The following MRE11 variants were observed in gnomAD, a reference collection of about 807,000 sequenced individuals.
MRE11 encodes double-strand break repair protein MRE11.
Under a neutral mutation model 91.7 loss-of-function variants are expected in MRE11, and 62 were observed. That is an observed-to-expected ratio of 0.68 (90% CI 0.55 to 0.84). MRE11 has a LOEUF of 0.84. Among genes scored for constraint, MRE11 ranks in the 40% least tolerant of loss-of-function variants. The pLI is 0.00. For missense variants in MRE11, 796 were observed against 852.9 expected, an observed-to-expected ratio of 0.93 and a Z score of 0.83; for synonymous variants, 273 against 271.4, an observed-to-expected ratio of 1.01 and a Z score of -0.06.
upstream of MRE11, among the ~76,000 whole-genome samples, chr11:94,496,339 A>G (rs548657038): frequency 5.3e-5 from 8 of 152,340 alleles, no homozygotes; most frequent in African/African-American, 1.4e-4. Context: ...TAACACCATC[A>G]TACCTAAACC....
chr11:94,435,925 A>G, intron 17 of MRE11, 26 bp from the exon 18 acceptor site: 1 of 1,586,622 alleles, frequency 6.3e-7, no homozygotes, highest in Non-Finnish European at 8.7e-7. Flanking sequence ...AGCAACAAAC[A>G]GTTTTTGTGA....
At chr11:94,451,856 A>C (rs1457465988) in intron 14 of MRE11, among the ~76,000 whole-genome samples, 1 of 152,192 alleles carries the variant, frequency 6.6e-6, no homozygotes, top group African/African-American at 2.4e-5. Context: ...AGAGAAAGAG[A>C]GGGCACACAC....
At position 94,478,845 on chromosome 11, in the gene MRE11, C is replaced by T; in HGVS notation, c.434G>A (p.Ser145Asn). 1 of 1,613,824 alleles carries T rather than the reference C, an allele frequency of 6.2e-7. No homozygotes were observed. Among genetic ancestry groups the T allele is most frequent in the Non-Finnish European group, 8.5e-7 (1 of 1,179,888 alleles). ...AAAGTGATTTACAAATCCAGCACAA[C>T]TTAAAATGTCCAAGGCACAAAGTGC... is the stretch of plus-strand genomic sequence containing the variant. Reference protein sequence around the residue: ...ADALCALDILSCAGFVNHFGR... With the variant: ...ADALCALDILNCAGFVNHFGR... Residue 145 changes from serine to asparagine, a missense_variant, in exon 6 of 20, where the codon AGT becomes AAT. Transcript: ENST00000323929.
intron 18 of MRE11, among the ~76,000 whole-genome samples, chr11:94,431,140 T>C (rs920079991): frequency 7.2e-5 from 11 of 152,134 alleles, no homozygotes; most frequent in African/African-American, 2.2e-4. Flanking sequence ...AAGAAATATG[T>C]CCAAAGGTTT....
At chr11:94,490,802 T>A (rs976469126) in intron 3 of MRE11, 31 bp downstream of exon 3, 1 of 1,611,770 alleles carries the variant, frequency 6.2e-7, no homozygotes, top group Non-Finnish European at 8.5e-7. Flanking sequence ...GGGAATATGG[T>A]AGATAGTGCA....
At chr11:94,433,860 G>T (rs953181369) in intron 18 of MRE11, among the ~76,000 whole-genome samples, 2 of 152,100 alleles carry the variant, frequency 1.3e-5, no homozygotes, top group African/African-American at 4.8e-5. Context: ...CTTTTTGCAA[G>T]GCCACATTTC....
chr11:94,487,545 CA>C (rs1168846726), intron 3 of MRE11, among the ~76,000 whole-genome samples: 2 of 152,144 alleles, frequency 1.3e-5, no homozygotes. Flanking sequence ...AGAGACATGG[CA>C]ACTAAATGCA....
intron 14 of MRE11, among the ~76,000 whole-genome samples, chr11:94,448,860 G>A (rs774788012): frequency 3.3e-5 from 5 of 151,992 alleles, no homozygotes. Flanking sequence ...CAATCAAAAG[G>A]TAGTAAGAGA....
chr11:94,443,384 CT>C (rs1322742539), intron 16 of MRE11, among the ~76,000 whole-genome samples: 1 of 152,158 alleles, frequency 6.6e-6, no homozygotes, highest in East Asian at 1.9e-4. Context: ...AGCCTGTTTC[CT>C]TTTCTGTAAA....
At chr11:94,422,459 A>G (rs970543067) in intron 19 of MRE11, among the ~76,000 whole-genome samples, 1 of 152,136 alleles carries the variant, frequency 6.6e-6, no homozygotes, top group African/African-American at 2.4e-5. Context: ...TACTTAATAA[A>G]TATTCATTAA....
chr11:94,479,905 T>C (rs1035088532), intron 4 of MRE11, 144 bp from the exon 5 acceptor site: 1 of 663,794 alleles, frequency 1.5e-6, no homozygotes, highest in African/African-American at 1.8e-5. Context: ...CTTTAAAAAA[T>C]AAAATCATAG....
At chr11:94,451,021 T>C (rs1946088092) in intron 14 of MRE11, among the ~76,000 whole-genome samples, 2 of 145,506 alleles carry the variant, frequency 1.4e-5, no homozygotes, top group African/African-American at 2.7e-5. Context: ...ACTACAGGTG[T>C]AGAAGCTCAC....
At chr11:94,491,121 C>T (rs142904422) in intron 2 of MRE11, among the ~76,000 whole-genome samples, 156 bp from the exon 3 acceptor site, 43 of 152,158 alleles carry the variant, frequency 2.8e-4, no homozygotes, top group East Asian at 1.5e-3. Context: ...AAGTATTCAA[C>T]GTTATCATTA....
chr11:94,498,610 C>T (rs1447602845), upstream of MRE11: 33 of 1,243,898 alleles, frequency 2.7e-5, no homozygotes, highest in Non-Finnish European at 3.2e-5. Context: ...TCAAAGTTGA[C>T]GTCAAACATC....
chr11:94,464,242 GA>G lies in MRE11; in HGVS notation c.1099-4del, dbSNP rs1060504340. 1 of 1,613,652 alleles carries G rather than the reference GA, an allele frequency of 6.2e-7. No homozygotes were observed. Among genetic ancestry groups the G allele is most frequent in the Non-Finnish European group, 8.5e-7 (1 of 1,179,840 alleles). On this transcript the variant is annotated splice_polypyrimidine_tract_variant and splice_region_variant and intron_variant, in intron 10 of 19. Coordinates refer to ENST00000323929, the MANE Select transcript of MRE11 (RefSeq NM_005591.4). ...TCAAAACCTCCACTATAGTCCACCT[GA>G]AAACACAGAATAATCTATGAACGCT...
Position 94,444,612 on chromosome 11 carries a change from G to A in MRE11, c.1867+1198C>T, listed in dbSNP as rs201258557. Among the ~76,000 whole-genome samples, 14 of 152,246 alleles carry A rather than the reference G, an allele frequency of 9.2e-5. No homozygotes were observed. In the East Asian group the frequency reaches 2.7e-3, roughly 29 times the overall value. On this transcript the variant is annotated intron_variant, in intron 16 of 19. Transcript: ENST00000323929. ...AAAATATCAATAGATTTGGACAGTT[G>A]GGTATGCCTGCATAACTCTTACTGA...
In MRE11 at chr11:94,417,735, T is replaced by C. The variant is rs1050251397; in HGVS notation, c.*2390A>G. ...CAATTTATAATTATTTATTCAACCA[T>C]ATGACTTTTCTGTATTTATTGTATT... is the stretch of plus-strand genomic sequence containing the variant. On this transcript the variant is annotated 3_prime_UTR_variant, in exon 20 of 20. Transcript: ENST00000323929. The C allele has an allele frequency of 4.3e-6, 1 of 232,948 alleles. No individual in the cohort carries two copies. The highest frequency in any genetic ancestry group is 8.5e-6 in the Non-Finnish European group (1 of 117,938). The allele number at this position is 232,948 out of a possible 1,614,324, so 14.4% of individuals were successfully genotyped here. A position where few individuals can be genotyped will look rare whatever the true frequency, so the allele number is the denominator to read the frequency against.
At chr11:94,497,567 T>A (rs1947433119), upstream of MRE11, 1 of 155,886 alleles carries the variant, frequency 6.4e-6, no homozygotes, top group South Asian at 2.0e-4. Flanking sequence ...ACCTAAAAGG[T>A]TGTTTCTAAG....
rs977233136 is a variant in MRE11, at chr11:94,417,309, A to G, written c.*2816T>C. ...ATACTTTTTTACTCAGTTTTTTTCTAAGAATGGATTTTCCTCTTTATGAAA... is the reference window on the plus strand; with the variant it reads ...ATACTTTTTTACTCAGTTTTTTTCTGAGAATGGATTTTCCTCTTTATGAAA... On this transcript the variant is annotated 3_prime_UTR_variant, in exon 20 of 20. Transcript: ENST00000323929. The G allele has an allele frequency of 4.7e-6, 1 of 213,170 alleles. No homozygotes were observed. The highest frequency in any genetic ancestry group is 2.3e-5 in the African/African-American group (1 of 44,224). 13.2% of individuals were successfully genotyped at this position (213,170 alleles called of 1,614,324 possible). A position where few individuals can be genotyped will look rare whatever the true frequency, so the allele number is the denominator to read the frequency against.
Sources: gnomAD v4.1 joint callset for allele counts (sites outside exome capture counted in the v4.1 genomes callset) on GRCh38, gnomAD v4.1.1 for gene constraint, MANE v1.5 for transcripts, NCBI Gene and HGNC (gene_info 2026-07-23, HGNC 2026-07-21) for gene names.